RMST: variants seen among roughly 807,000 people sequenced by gnomAD.
RMST encodes the protein rhabdomyosarcoma 2 associated transcript.
intron 11 of RMST, among the ~76,000 whole-genome samples, chr12:97,549,935 C>G (rs1883196710): frequency 6.6e-6 from 1 of 152,146 alleles, no homozygotes; most frequent in African/African-American, 2.4e-5. Flanking sequence ...TTTTCAAATA[C>G]CTATAGAATT....
At chr12:97,561,183 A>G (rs915294385) in intron 13 of RMST, 2 of 152,216 alleles carry the variant, frequency 1.3e-5, no homozygotes, top group Non-Finnish European at 2.9e-5. Flanking sequence ...CAGATTTAAT[A>G]TCAGTCTTGC....
intron 5 of RMST, among the ~76,000 whole-genome samples, chr12:97,486,534 C>T (rs1345086038): frequency 6.6e-6 from 1 of 152,164 alleles, no homozygotes; most frequent in Admixed American, 6.5e-5. Context: ...TGAGATATTA[C>T]TGATACTGAA....
At chr12:97,494,117 TAA>T (rs1381681832) in intron 8 of RMST, 1 of 152,228 alleles carries the variant, frequency 6.6e-6, no homozygotes, top group Non-Finnish European at 1.5e-5. Context: ...AGCAAAAGAA[TAA>T]TTGGAACAAT....
At chr12:97,480,727 A>G (rs976342119) in intron 5 of RMST, among the ~76,000 whole-genome samples, 3 of 152,184 alleles carry the variant, frequency 2.0e-5, no homozygotes, top group African/African-American at 7.2e-5. Context: ...GCTACATGCA[A>G]CAGCTTGGAA....
In RMST at chr12:97,490,276, T is replaced by C. The variant is rs77218727; in HGVS notation, n.645-2185T>C. Among the ~76,000 whole-genome samples, 646 of 152,284 alleles carry C rather than the reference T, an allele frequency of 4.2e-3. 4 individuals are homozygous for C. Among genetic ancestry groups the C allele is most frequent in the African/African-American group, 0.015 (616 of 41,566 alleles). Reference sequence around the variant, plus strand: ...AACACCACTTTTTAATTTAAATCTCTATGCATAATGATATGCCAGTTTCAA... The same window carrying C: ...AACACCACTTTTTAATTTAAATCTCCATGCATAATGATATGCCAGTTTCAA... On this transcript the variant is annotated intron_variant and non_coding_transcript_variant, in intron 5 of 13. Transcript: ENST00000640149.
rs187255901 is a variant in RMST at position 97,534,030 on chromosome 12, T to G, written n.1545+3171T>G. 2.6e-5 allele frequency among the ~76,000 whole-genome samples: 4 copies of G among 151,756 alleles called. No individual in the cohort carries two copies. The South Asian group carries it at 6.2e-4, about 24-fold the overall frequency. On this transcript the variant is annotated intron_variant and non_coding_transcript_variant, in intron 11 of 13. Transcript: ENST00000640149. ...AGTCACTCTGGCATCCTCCAGAGAG[T>G]TGGATAATACCTTGAAGCATAGATT...
chr12:97,478,190 T>C (rs1004958086), intron 5 of RMST, among the ~76,000 whole-genome samples: 2 of 152,216 alleles, frequency 1.3e-5, no homozygotes, highest in African/African-American at 2.4e-5. Flanking sequence ...CATTTGAAAA[T>C]GGAAGGCTCT....
intron 5 of RMST, among the ~76,000 whole-genome samples, chr12:97,474,948 T>C (rs1438399615): frequency 6.6e-6 from 1 of 152,164 alleles, no homozygotes; most frequent in Non-Finnish European, 1.5e-5. Context: ...ATAATTTAAC[T>C]TTGACATAAA....
At chr12:97,504,031 T>C (rs1215881463) in intron 10 of RMST, among the ~76,000 whole-genome samples, 1 of 152,184 alleles carries the variant, frequency 6.6e-6, no homozygotes, top group Non-Finnish European at 1.5e-5. Context: ...GTTCAAGCGA[T>C]TCTCAGGCAT....
chr12:97,468,658 A>G (rs1873499484), intron 5 of RMST, among the ~76,000 whole-genome samples: 1 of 152,050 alleles, frequency 6.6e-6, no homozygotes, highest in South Asian at 2.1e-4. Flanking sequence ...GGTCAGGAAC[A>G]TATGGTTTGT....
At chr12:97,512,413 A>C (rs1879461996) in intron 10 of RMST, among the ~76,000 whole-genome samples, 1 of 152,102 alleles carries the variant, frequency 6.6e-6, no homozygotes, top group Non-Finnish European at 1.5e-5. Context: ...GCCTGCTTTT[A>C]TTCTCTTATC....
At chr12:97,519,223 A>G (rs1880261321) in intron 10 of RMST, among the ~76,000 whole-genome samples, 1 of 152,372 alleles carries the variant, frequency 6.6e-6, no homozygotes, top group Non-Finnish European at 1.5e-5. Context: ...TGTCTCTGAC[A>G]GTCCCTTATA....
At position 97,466,037 on chromosome 12, in the gene RMST, G is replaced by A. The variant is rs567166472; in HGVS notation, n.644+310G>A. On this transcript the variant is annotated intron_variant and non_coding_transcript_variant, in intron 5 of 13. Coordinates refer to ENST00000640149, the Ensembl canonical transcript of RMST. ...ATAAAAGTAATATTTATTTTATGTG[G>A]ATTTTATTTCTAGAACTAGTAAATT... 1.2e-4 allele frequency among the ~76,000 whole-genome samples: 18 copies of A among 152,134 alleles called. No homozygotes were observed. In the South Asian group the frequency reaches 3.7e-3, roughly 32 times the overall value.
At chr12:97,468,763 A>G (rs557475246) in intron 5 of RMST, among the ~76,000 whole-genome samples, 12 of 152,144 alleles carry the variant, frequency 7.9e-5, no homozygotes, top group African/African-American at 2.4e-4. Flanking sequence ...GAAGAATTCA[A>G]TTTGCTAGAA....
At chr12:97,564,827 G>T (rs1565941903) in exon 14 of RMST, 1 of 152,026 alleles carries the variant, frequency 6.6e-6, no homozygotes, top group South Asian at 2.1e-4. Flanking sequence ...CCTCCTTTCC[G>T]TATGTGGCCT....
chr12:97,507,138 A>C lies in RMST; in HGVS notation n.1340+11082A>C, dbSNP rs1878773006. Among the ~76,000 whole-genome samples the C allele has an allele frequency of 2.6e-5, 4 of 152,290 alleles. 1 individual carries two copies. The South Asian group carries it at 8.3e-4, about 32-fold the overall frequency. On this transcript the variant is annotated intron_variant and non_coding_transcript_variant, in intron 10 of 13. Coordinates refer to ENST00000640149, the Ensembl canonical transcript of RMST. ...ATGTGATGAGACCAGGTGGTGATGG[A>C]CTGAATATAAAGCAAAGACATCTGG...
chr12:97,516,636 C>G (rs1181436066), intron 10 of RMST, among the ~76,000 whole-genome samples: 1 of 151,858 alleles, frequency 6.6e-6, no homozygotes, highest in Non-Finnish European at 1.5e-5. Flanking sequence ...ATACATAAAT[C>G]TTCCTAATTA....
chr12:97,488,890 A>G (rs960743324), intron 5 of RMST, among the ~76,000 whole-genome samples: 1 of 152,146 alleles, frequency 6.6e-6, no homozygotes, highest in African/African-American at 2.4e-5. Context: ...AGCCATTTCT[A>G]ACTCACCCAT....
chr12:97,528,259 A>G (rs1242263286), intron 10 of RMST, among the ~76,000 whole-genome samples: 1 of 152,130 alleles, frequency 6.6e-6, no homozygotes, highest in Non-Finnish European at 1.5e-5. Flanking sequence ...TATATGTACA[A>G]TTTTGTATTC....
Sources: gnomAD v4.1 joint callset for allele counts (sites outside exome capture counted in the v4.1 genomes callset) on GRCh38, gnomAD v4.1.1 for gene constraint, MANE v1.5 for transcripts, NCBI Gene and HGNC (gene_info 2026-07-23, HGNC 2026-07-21) for gene names.